MICU3: variants seen among roughly 807,000 people sequenced by gnomAD.
The protein encoded by MICU3 is calcium uptake protein 3, mitochondrial.
A neutral mutation model predicts 66.5 loss-of-function variants in MICU3; 62 were observed. The observed-to-expected ratio is 0.93, with a 90% CI of 0.76 to 1.15. MICU3 has a LOEUF of 1.15. MICU3 is among the 50% of genes most tolerant of loss of function. The probability of loss-of-function intolerance (pLI) is 0.00; values close to 1 mark genes in which losing one functional copy is unlikely to be tolerated. For missense variants in MICU3, 779 were observed against 664.4 expected (o/e 1.17, Z -1.90); for synonymous variants, 308 against 240.7 (o/e 1.28, Z -2.59).
chr8:17,119,737 A>G (rs567669598), intron 14 of MICU3, among the ~76,000 whole-genome samples: 21 of 152,272 alleles, frequency 1.4e-4, no homozygotes, highest in African/African-American at 4.8e-4. Context: ...TGTCTTGCCA[A>G]AAGGAAATGG....
At position 17,033,765 on chromosome 8, in the gene MICU3, A is replaced by G. The variant is rs1262668608; in HGVS notation, c.381+6105A>G. On this transcript the variant is annotated intron_variant, in intron 1 of 14. Coordinates refer to ENST00000318063, the MANE Select transcript of MICU3 (RefSeq NM_181723.3). ...ATCATCAATTATTTTAAAGTTGTGA[A>G]AAGTAAGGAAGCTGCAGAAGAAAAG... Among the ~76,000 whole-genome samples, 5 of 152,150 alleles carry G rather than the reference A, an allele frequency of 3.3e-5. No homozygotes were observed. The East Asian group carries it at 9.6e-4, about 29-fold the overall frequency.
intron 1 of MICU3, among the ~76,000 whole-genome samples, chr8:17,039,791 A>T (rs1048712280): frequency 2.6e-5 from 4 of 151,726 alleles, no homozygotes; most frequent in African/African-American, 9.7e-5. Flanking sequence ...TATTAACCCT[A>T]TAAAATAATT....
chr8:17,033,960 T>C (rs892063681), intron 1 of MICU3, among the ~76,000 whole-genome samples: 2 of 152,110 alleles, frequency 1.3e-5, no homozygotes, highest in South Asian at 2.1e-4. Flanking sequence ...AGATTTTCAA[T>C]AGAGATGAAA....
intron 1 of MICU3, 141 bp downstream of exon 1, chr8:17,027,801 G>A (rs1811268944): frequency 9.2e-7 from 1 of 1,087,464 alleles, no homozygotes. Flanking sequence ...TGACACCTAG[G>A]CCGGACAGCC....
chr8:17,064,755 C>CT (rs1489819484), intron 2 of MICU3, among the ~76,000 whole-genome samples: 1 of 152,034 alleles, frequency 6.6e-6, no homozygotes, highest in Non-Finnish European at 1.5e-5. Flanking sequence ...CTCATGTGTG[C>CT]TTTTTTATTT....
chr8:17,032,252 G>C (rs1812205508), intron 1 of MICU3, among the ~76,000 whole-genome samples: 1 of 152,122 alleles, frequency 6.6e-6, no homozygotes, highest in African/African-American at 2.4e-5. Flanking sequence ...AAATTTTTTA[G>C]CAAACTATGG....
In MICU3 at chr8:17,089,597, C is replaced by G. The variant is rs538826892; in HGVS notation, c.850-949C>G. Among the ~76,000 whole-genome samples the G allele has an allele frequency of 4.6e-5, 7 of 152,080 alleles. No homozygotes were observed. In the South Asian group the frequency reaches 8.3e-4, roughly 18 times the overall value. On this transcript the variant is annotated intron_variant, in intron 7 of 14. Transcript: ENST00000318063. Reference sequence around the variant, plus strand: ...GAATTACATAAGAGAGAGAGCATAGCACAGGCTCAGGAGCCAGATTTTTGG... The same window carrying G: ...GAATTACATAAGAGAGAGAGCATAGGACAGGCTCAGGAGCCAGATTTTTGG...
chr8:17,097,861 G>A (rs1221139187), intron 8 of MICU3, among the ~76,000 whole-genome samples: 1 of 151,676 alleles, frequency 6.6e-6, no homozygotes, highest in Non-Finnish European at 1.5e-5. Context: ...TCCTGTCCTT[G>A]TAATAAATAA....
intron 1 of MICU3, among the ~76,000 whole-genome samples, chr8:17,048,554 A>G (rs374163478): frequency 1.3e-5 from 2 of 152,300 alleles, no homozygotes; most frequent in South Asian, 4.1e-4. Flanking sequence ...CATGGGAATT[A>G]TGGGAGCTAC....
Position 17,027,293 on chromosome 8 carries a change from G to C in MICU3, c.14G>C (p.Arg5Pro), listed in dbSNP as rs1811143652. The C allele has an allele frequency of 6.6e-7, 1 of 1,518,116 alleles. No individual in the cohort carries two copies. The highest frequency in any genetic ancestry group is 8.7e-7 in the Non-Finnish European group (1 of 1,143,456). The allele number at this position is 1,518,116 out of a possible 1,614,324, so 94.0% of individuals were successfully genotyped here. A position where few individuals can be genotyped will look rare whatever the true frequency, so the allele number is the denominator to read the frequency against. Reference sequence around the variant, plus strand: ...GCGGCCTCCGCTATGGCTGCGCTGCGAAGGCTCTTGTGGCCGCCACCCCGG... The same window carrying C: ...GCGGCCTCCGCTATGGCTGCGCTGCCAAGGCTCTTGTGGCCGCCACCCCGG... MAAL[R>P]RLLWPPPRVS... The change falls in exon 1 of 15, where the codon CGA becomes CCA. Residue 5 changes from arginine to proline, a missense_variant. Physicochemically the swap from Arg to Pro is moderately radical, Grantham distance 103. Transcript: ENST00000318063.
chr8:17,123,965 AC>A (rs1190103515), downstream of MICU3, among the ~76,000 whole-genome samples: 17 of 144,810 alleles, frequency 1.2e-4, no homozygotes, highest in South Asian at 2.9e-3. Context: ...AAAAAAAAAA[AC>A]CACCATCCCT....
intron 1 of MICU3, among the ~76,000 whole-genome samples, chr8:17,036,478 C>T (rs1813012218): frequency 6.6e-6 from 1 of 152,096 alleles, no homozygotes; most frequent in African/African-American, 2.4e-5. Context: ...ATTGGTAGAG[C>T]CGAGTGGCCT....
intron 10 of MICU3, among the ~76,000 whole-genome samples, chr8:17,105,068 G>T (rs933588173): frequency 6.8e-6 from 1 of 147,942 alleles, no homozygotes; most frequent in Admixed American, 6.9e-5. Flanking sequence ...ATATTCAGAA[G>T]AAAGTATGTT....
the MICU3 span, among the ~76,000 whole-genome samples, chr8:17,138,243 C>T: frequency 2.6e-5 from 4 of 151,824 alleles, no homozygotes; most frequent in Non-Finnish European, 4.4e-5. Context: ...AAGAGGTTTG[C>T]ATTAAAAAGG....
At chr8:17,094,396 T>G (rs1001718053) in intron 8 of MICU3, among the ~76,000 whole-genome samples, 3 of 151,990 alleles carry the variant, frequency 2.0e-5, no homozygotes, top group South Asian at 4.1e-4. Flanking sequence ...ATTAGTCTGT[T>G]TTAAAACAAT....
At chr8:17,085,902 T>A (rs1159982414) in intron 6 of MICU3, among the ~76,000 whole-genome samples, 1 of 152,166 alleles carries the variant, frequency 6.6e-6, no homozygotes, top group Admixed American at 6.6e-5. Flanking sequence ...TCACATACCC[T>A]GCTTCCAGAA....
chr8:17,053,318 G>A (rs1816407650), intron 1 of MICU3, among the ~76,000 whole-genome samples: 2 of 152,112 alleles, frequency 1.3e-5, no homozygotes, highest in Non-Finnish European at 2.9e-5. Context: ...TCCTTTATCT[G>A]GCATTTAATC....
chr8:17,105,460 C>G lies in MICU3; in HGVS notation c.1133C>G (p.Ser378Cys), dbSNP rs759821592. 3 of 1,572,354 alleles carry G rather than the reference C, an allele frequency of 1.9e-6. No homozygotes were observed. In the Admixed American group the frequency reaches 5.6e-5, roughly 29 times the overall value. Reference sequence around the variant, plus strand: ...GAAGTTCTAGAAATAGAATTCCTTTCCTACTCAAATGGAATGAATACCATC... The same window carrying G: ...GAAGTTCTAGAAATAGAATTCCTTTGCTACTCAAATGGAATGAATACCATC... ...QTEVLEIEFL[S>C]YSNGMNTISE... Residue 378 changes from serine to cysteine, a missense_variant, in exon 11 of 15, where the codon TCC (serine) becomes TGC (cysteine). Ser to Cys is a moderately radical substitution (Grantham distance 112). Coordinates refer to ENST00000318063, the MANE Select transcript of MICU3 (RefSeq NM_181723.3).
At chr8:17,047,672 T>C (rs564195694) in intron 1 of MICU3, among the ~76,000 whole-genome samples, 8 of 152,316 alleles carry the variant, frequency 5.3e-5, no homozygotes, top group Admixed American at 3.3e-4. Flanking sequence ...GGGCTATATC[T>C]TCAAAAGTGA....
Sources: allele counts gnomAD v4.1 joint callset (sites outside exome capture counted in the v4.1 genomes callset), GRCh38; gene constraint gnomAD v4.1.1; transcripts MANE v1.5; gene names NCBI Gene and HGNC (gene_info 2026-07-23, HGNC 2026-07-21).